CPEB3: variants seen among roughly 807,000 people sequenced by gnomAD.
The protein encoded by CPEB3 is cytoplasmic polyadenylation element binding protein 3, also known as cytoplasmic polyadenylation element-binding protein 3.
CPEB3 carries 20 observed loss-of-function variants against 67.2 expected under a neutral mutation model. The ratio of observed to expected loss-of-function variants is 0.30; its 90% CI spans 0.21 to 0.43. The LOEUF (loss-of-function observed/expected upper bound fraction) is 0.43, where lower values mean the gene tolerates loss of function less well. CPEB3 is among the 20% of genes least tolerant of loss of function. The pLI is 1.00. For missense variants in CPEB3, 746 were observed against 968.6 expected, an observed-to-expected ratio of 0.77 and a Z score of 3.05; for synonymous variants, 376 against 393.1, an observed-to-expected ratio of 0.96 and a Z score of 0.51.
intron 9 of CPEB3, among the ~76,000 whole-genome samples, chr10:92,069,116 T>C (rs917595040): frequency 1.4e-4 from 21 of 152,190 alleles, no homozygotes; most frequent in African/African-American, 4.8e-4. Flanking sequence ...ATTGTATATA[T>C]TCCTGCTGTG....
chr10:92,259,582 CAA>C (rs1431812588), intron 1 of CPEB3, among the ~76,000 whole-genome samples: 1 of 136,402 alleles, frequency 7.3e-6, no homozygotes, highest in African/African-American at 2.9e-5. Context: ...GCCTGGGAAA[CAA>C]GAGCAAAATT....
intron 4 of CPEB3, among the ~76,000 whole-genome samples, chr10:92,164,246 A>G: frequency 6.6e-6 from 1 of 152,228 alleles, no homozygotes; most frequent in Non-Finnish European, 1.5e-5. Context: ...TACAGCTACT[A>G]AGCAGCAGAG....
At chr10:92,067,131 TAATA>T (rs924965253) in intron 9 of CPEB3, among the ~76,000 whole-genome samples, 39 of 151,708 alleles carry the variant, frequency 2.6e-4, no homozygotes, top group African/African-American at 6.0e-4. Flanking sequence ...AAACTAAAAA[TAATA>T]AATAAATTTT....
At chr10:92,253,287 C>T (rs572153320) in intron 1 of CPEB3, among the ~76,000 whole-genome samples, 2 of 151,596 alleles carry the variant, frequency 1.3e-5, no homozygotes, top group Non-Finnish European at 1.5e-5. Context: ...TGGTGAAATG[C>T]CATCTCTACT....
chr10:92,229,903 G>A (rs992337105), intron 2 of CPEB3, among the ~76,000 whole-genome samples: 2 of 152,150 alleles, frequency 1.3e-5, no homozygotes, highest in Non-Finnish European at 2.9e-5. Flanking sequence ...AAAATTAGCA[G>A]GGCATGGTGG....
At chr10:92,234,802 G>A (rs1301380640) in intron 2 of CPEB3, among the ~76,000 whole-genome samples, 1 of 152,078 alleles carries the variant, frequency 6.6e-6, no homozygotes, top group Non-Finnish European at 1.5e-5. Flanking sequence ...GCACGCACCT[G>A]TAATCCCAGC....
intron 2 of CPEB3, among the ~76,000 whole-genome samples, chr10:92,222,110 C>T (rs185902536): frequency 6.6e-6 from 1 of 152,180 alleles, no homozygotes; most frequent in Admixed American, 6.5e-5. Flanking sequence ...CATTCAACAG[C>T]CGTGACCAAT....
chr10:92,055,330 A>G (rs1294524783), intron 9 of CPEB3, among the ~76,000 whole-genome samples: 1 of 152,242 alleles, frequency 6.6e-6, no homozygotes. Flanking sequence ...CCTCGAGGCC[A>G]GAGGCACAAA....
chr10:92,216,158 C>A (rs1047697733), intron 2 of CPEB3, among the ~76,000 whole-genome samples: 16 of 150,620 alleles, frequency 1.1e-4, no homozygotes, highest in Non-Finnish European at 2.2e-4. Flanking sequence ...ATTTTGATGG[C>A]TGGGTGCAGT....
chr10:92,075,505 G>A (rs2133167741), intron 9 of CPEB3, among the ~76,000 whole-genome samples: 1 of 152,238 alleles, frequency 6.6e-6, no homozygotes, highest in East Asian at 1.9e-4. Flanking sequence ...GAAAAAACAT[G>A]TAATTGTACA....
chr10:92,207,775 C>G (rs1849863488), intron 2 of CPEB3, among the ~76,000 whole-genome samples: 1 of 152,110 alleles, frequency 6.6e-6, no homozygotes, highest in Non-Finnish European at 1.5e-5. Flanking sequence ...AAGGCTGAGG[C>G]AGGAGAATTG....
At chr10:92,258,811 C>G (rs924548217) in intron 1 of CPEB3, among the ~76,000 whole-genome samples, 1 of 151,274 alleles carries the variant, frequency 6.6e-6, no homozygotes, top group African/African-American at 2.4e-5. Flanking sequence ...GCACCCACCA[C>G]CACGCTGAGT....
intron 4 of CPEB3, among the ~76,000 whole-genome samples, chr10:92,158,882 G>T (rs908464971): frequency 1.3e-5 from 2 of 152,122 alleles, no homozygotes; most frequent in Non-Finnish European, 1.5e-5. Flanking sequence ...CCTGTCAAGC[G>T]GAATGATTTT....
chr10:92,065,791 T>C (rs1173448419), intron 9 of CPEB3, among the ~76,000 whole-genome samples: 1 of 152,188 alleles, frequency 6.6e-6, no homozygotes, highest in African/African-American at 2.4e-5. Flanking sequence ...GGGTTTTGCC[T>C]GTCCTTTAAA....
intron 7 of CPEB3, among the ~76,000 whole-genome samples, chr10:92,093,626 C>T (rs1843717276): frequency 6.6e-6 from 1 of 151,636 alleles, no homozygotes; most frequent in Non-Finnish European, 1.5e-5. Context: ...CCTTGGCCTC[C>T]CAAGTAGCTG....
intron 4 of CPEB3, among the ~76,000 whole-genome samples, chr10:92,160,092 G>T (rs1847398006): frequency 6.6e-6 from 1 of 152,016 alleles, no homozygotes; most frequent in African/African-American, 2.4e-5. Flanking sequence ...AATTACAGGT[G>T]CTGGTCACCA....
intron 4 of CPEB3, among the ~76,000 whole-genome samples, chr10:92,150,887 G>T (rs1846935272): frequency 6.6e-6 from 1 of 152,120 alleles, no homozygotes; most frequent in African/African-American, 2.4e-5. Flanking sequence ...CATAAAATAT[G>T]TATATTCAAT....
intron 1 of CPEB3, among the ~76,000 whole-genome samples, chr10:92,241,867 C>T (rs1851865545): frequency 6.6e-6 from 1 of 152,116 alleles, no homozygotes; most frequent in African/African-American, 2.4e-5. Flanking sequence ...GATGATGATT[C>T]AGTACAATTG....
intron 2 of CPEB3, among the ~76,000 whole-genome samples, chr10:92,206,164 C>T (rs934149658): frequency 1.3e-5 from 2 of 151,738 alleles, no homozygotes; most frequent in Admixed American, 1.3e-4. Flanking sequence ...CTCCACCTCC[C>T]GGGTTCAAGA....
Sources: gnomAD v4.1 joint callset for allele counts (sites outside exome capture counted in the v4.1 genomes callset) on GRCh38, gnomAD v4.1.1 for gene constraint, MANE v1.5 for transcripts, NCBI Gene and HGNC (gene_info 2026-07-23, HGNC 2026-07-21) for gene names.